ST6GALNAC3: variants seen among roughly 807,000 people sequenced by gnomAD.
ST6GALNAC3 encodes the protein ST6 N-acetylgalactosaminide alpha-2,6-sialyltransferase 3, also known as alpha-N-acetylgalactosaminide alpha-2,6-sialyltransferase 3.
Under a neutral mutation model 32.7 loss-of-function variants are expected in ST6GALNAC3, and 25 were observed. The ratio of observed to expected loss-of-function variants is 0.76; its 90% CI spans 0.56 to 1.07. The LOEUF (loss-of-function observed/expected upper bound fraction) is 1.07, where lower values mean the gene tolerates loss of function less well. Ranked by LOEUF, ST6GALNAC3 falls within the 50% of genes least tolerant of loss-of-function variation. ST6GALNAC3 has a pLI of 0.00. For missense variants in ST6GALNAC3, 355 were observed against 382.4 expected, an observed-to-expected ratio of 0.93 and a Z score of 0.60; for synonymous variants, 129 against 133.1, an observed-to-expected ratio of 0.97 and a Z score of 0.21.
chr1:76,343,475 T>C (rs1395699661), intron 2 of ST6GALNAC3, among the ~76,000 whole-genome samples: 1 of 152,206 alleles, frequency 6.6e-6, no homozygotes, highest in East Asian at 1.9e-4. Context: ...GTGTATACTC[T>C]GAGTTCTGTG....
intron 3 of ST6GALNAC3, among the ~76,000 whole-genome samples, chr1:76,557,397 A>T (rs771011674): frequency 6.6e-6 from 1 of 152,064 alleles, no homozygotes; most frequent in Non-Finnish European, 1.5e-5. Context: ...GGATTAACTC[A>T]TCAATGGGAA....
intron 3 of ST6GALNAC3, among the ~76,000 whole-genome samples, chr1:76,421,352 A>T (rs927531562): frequency 6.6e-6 from 1 of 152,042 alleles, no homozygotes; most frequent in Non-Finnish European, 1.5e-5. Flanking sequence ...GTGATTGGGC[A>T]CTGGGTTTTT....
chr1:76,233,389 C>T (rs888148823), intron 1 of ST6GALNAC3, among the ~76,000 whole-genome samples: 16 of 152,256 alleles, frequency 1.1e-4, no homozygotes, highest in African/African-American at 3.9e-4. Flanking sequence ...TAACATGCTT[C>T]GACCTAAAGA....
intron 1 of ST6GALNAC3, among the ~76,000 whole-genome samples, chr1:76,152,115 G>A (rs1216945970): frequency 6.6e-6 from 1 of 152,150 alleles, no homozygotes; most frequent in East Asian, 1.9e-4. Flanking sequence ...TCCTATTTGG[G>A]AGCCAGAGAA....
intron 1 of ST6GALNAC3, among the ~76,000 whole-genome samples, chr1:76,095,196 T>A (rs1457528516): frequency 6.6e-6 from 1 of 152,064 alleles, no homozygotes; most frequent in Non-Finnish European, 1.5e-5. Context: ...GGCATAGTAA[T>A]CATATCTGCT....
intron 3 of ST6GALNAC3, among the ~76,000 whole-genome samples, chr1:76,474,810 A>C (rs770299117): frequency 6.6e-6 from 1 of 152,156 alleles, no homozygotes; most frequent in Non-Finnish European, 1.5e-5. Flanking sequence ...GTGAAGAGAA[A>C]AAGCCAACTC....
At chr1:76,119,530 G>A (rs1327014461) in intron 1 of ST6GALNAC3, among the ~76,000 whole-genome samples, 1 of 152,172 alleles carries the variant, frequency 6.6e-6, no homozygotes, top group Non-Finnish European at 1.5e-5. Flanking sequence ...GTGAGGGATG[G>A]TGTATTTGGC....
chr1:76,369,609 C>T (rs986544733), intron 2 of ST6GALNAC3, among the ~76,000 whole-genome samples: 19 of 152,142 alleles, frequency 1.2e-4, no homozygotes, highest in Non-Finnish European at 2.2e-4. Context: ...TAAACCCATG[C>T]TGCTGGTGCT....
chr1:76,231,634 C>T (rs1159394471), intron 1 of ST6GALNAC3, among the ~76,000 whole-genome samples: 1 of 152,132 alleles, frequency 6.6e-6, no homozygotes, highest in Non-Finnish European at 1.5e-5. Context: ...GGATAATGTC[C>T]CTCAAGTTTT....
intron 3 of ST6GALNAC3, among the ~76,000 whole-genome samples, chr1:76,495,178 C>T (rs1660776218): frequency 6.6e-6 from 1 of 152,144 alleles, no homozygotes; most frequent in African/African-American, 2.4e-5. Context: ...TACCTGGGTA[C>T]TCCATGAGCC....
At chr1:76,505,382 A>T (rs1483105906) in intron 3 of ST6GALNAC3, among the ~76,000 whole-genome samples, 1 of 152,162 alleles carries the variant, frequency 6.6e-6, no homozygotes, top group Non-Finnish European at 1.5e-5. Context: ...TTGGCTTCCC[A>T]AAGTGCTGGG....
intron 1 of ST6GALNAC3, among the ~76,000 whole-genome samples, chr1:76,229,615 G>T (rs1424701905): frequency 2.0e-5 from 3 of 152,162 alleles, no homozygotes; most frequent in African/African-American, 7.2e-5. Context: ...GGGCCTAGTT[G>T]GGCAAGAAAT....
At position 76,131,797 on chromosome 1, in the gene ST6GALNAC3, G is replaced by A. The variant is rs377362772; in HGVS notation, c.18+56913G>A. 2.4e-4 allele frequency among the ~76,000 whole-genome samples: 37 copies of A among 152,260 alleles called. 1 individual carries two copies. The South Asian group carries it at 7.7e-3, about 32-fold the overall frequency. On this transcript the variant is annotated intron_variant, in intron 1 of 4. Transcript: ENST00000328299. The stretch of plus-strand genomic sequence containing the variant: ...AGGGGCTTGGGCAATTCTGGAAGGA[G>A]GAAGAGGAGGAGTGTATTTGGCCCA...
chr1:76,378,708 G>C (rs537294295), intron 2 of ST6GALNAC3, among the ~76,000 whole-genome samples: 1 of 151,276 alleles, frequency 6.6e-6, no homozygotes, highest in Non-Finnish European at 1.5e-5. Context: ...TAGTGTTTTT[G>C]TACAAAGGAT....
At chr1:76,271,256 G>A (rs149544815) in intron 1 of ST6GALNAC3, among the ~76,000 whole-genome samples, 1 of 152,312 alleles carries the variant, frequency 6.6e-6, no homozygotes, top group Non-Finnish European at 1.5e-5. Flanking sequence ...TGGTATGGGT[G>A]TAAAGTGGTT....
chr1:76,630,453 G>A lies in ST6GALNAC3; in HGVS notation c.*1647G>A, dbSNP rs1334017708. 3.1e-5 allele frequency: 31 copies of A among 984,900 alleles called. No homozygotes were observed. The highest frequency in any genetic ancestry group is 1.9e-4 in the South Asian group (4 of 21,268). The allele number at this position is 984,900 out of a possible 1,614,324, so 61.0% of individuals were successfully genotyped here. A position where few individuals can be genotyped will look rare whatever the true frequency, so the allele number is the denominator to read the frequency against. On this transcript the variant is annotated 3_prime_UTR_variant, in exon 5 of 5. Transcript: ENST00000328299. Reference sequence around the variant, plus strand: ...AGACAATTCTATTTTTCATATACTCGTTGCTCATTAAATAGTAAAGGGTTG... The same window carrying A: ...AGACAATTCTATTTTTCATATACTCATTGCTCATTAAATAGTAAAGGGTTG...
intron 1 of ST6GALNAC3, among the ~76,000 whole-genome samples, chr1:76,143,425 C>G (rs199618900): frequency 4.5e-5 from 2 of 44,896 alleles, no homozygotes; most frequent in African/African-American, 4.9e-5. Flanking sequence ...GTGTGTGTGT[C>G]CGTCTGTGTG....
At chr1:76,267,506 CAG>C (rs1444569358) in intron 1 of ST6GALNAC3, among the ~76,000 whole-genome samples, 1 of 152,170 alleles carries the variant, frequency 6.6e-6, no homozygotes, top group African/African-American at 2.4e-5. Flanking sequence ...ACGTTTTCTT[CAG>C]AGTCTATCTG....
chr1:76,579,070 G>A (rs921557571), intron 3 of ST6GALNAC3, among the ~76,000 whole-genome samples: 6 of 151,952 alleles, frequency 3.9e-5, no homozygotes, highest in Non-Finnish European at 7.4e-5. Context: ...TTATATGTCT[G>A]GTAACTTCAC....
Sources: gnomAD v4.1 joint callset for allele counts (sites outside exome capture counted in the v4.1 genomes callset) on GRCh38, gnomAD v4.1.1 for gene constraint, MANE v1.5 for transcripts, NCBI Gene and HGNC (gene_info 2026-07-23, HGNC 2026-07-21) for gene names.